The following CLSTN2 variants were observed in gnomAD, a reference collection of about 807,000 sequenced individuals.
The protein encoded by CLSTN2 is calsyntenin 2, also known as calsyntenin-2.
Under a neutral mutation model 101.2 loss-of-function variants are expected in CLSTN2, and 48 were observed. The observed-to-expected ratio is 0.47, with a 90% CI of 0.38 to 0.60. The LOEUF (loss-of-function observed/expected upper bound fraction) is 0.60. Ranked by LOEUF, CLSTN2 falls within the 20% of genes least tolerant of loss-of-function variation. The pLI, the probability that CLSTN2 is intolerant of heterozygous loss-of-function variation, is 0.00. For missense variants in CLSTN2, 1,160 were observed against 1,238.2 expected, an observed-to-expected ratio of 0.94 and a Z score of 0.95; for synonymous variants, 481 against 463.6, an observed-to-expected ratio of 1.04 and a Z score of -0.48.
At chr3:140,411,580 C>A (rs1466481299) in intron 4 of CLSTN2, among the ~76,000 whole-genome samples, 1 of 152,198 alleles carries the variant, frequency 6.6e-6, no homozygotes, top group Non-Finnish European at 1.5e-5. Context: ...ACATAGCAGA[C>A]ATATGCAGAA....
chr3:139,990,665 TG>T (rs1428243086), intron 1 of CLSTN2, among the ~76,000 whole-genome samples: 1 of 152,192 alleles, frequency 6.6e-6, no homozygotes, highest in Non-Finnish European at 1.5e-5. Flanking sequence ...AGACCCCACC[TG>T]GGGGGTGAGA....
intron 8 of CLSTN2, among the ~76,000 whole-genome samples, chr3:140,494,192 A>G (rs1934404592): frequency 1.3e-5 from 2 of 152,218 alleles, no homozygotes; most frequent in Admixed American, 1.3e-4. Context: ...CTGTCATCAT[A>G]CATTCAGGGT....
At chr3:140,520,980 T>C (rs1357727802) in intron 8 of CLSTN2, among the ~76,000 whole-genome samples, 1 of 152,184 alleles carries the variant, frequency 6.6e-6, no homozygotes, top group African/African-American at 2.4e-5. Flanking sequence ...GAATGTCTCA[T>C]GTTGTGTTCC....
At chr3:140,563,353 G>T (rs1935956322) in intron 15 of CLSTN2, 150 bp downstream of exon 15, 5 of 804,278 alleles carry the variant, frequency 6.2e-6, no homozygotes, top group South Asian at 5.3e-5. Context: ...CCCTGGCTTT[G>T]AGATACTCAC....
At chr3:140,381,289 C>A (rs996157065) in intron 2 of CLSTN2, among the ~76,000 whole-genome samples, 1 of 152,084 alleles carries the variant, frequency 6.6e-6, no homozygotes, top group African/African-American at 2.4e-5. Flanking sequence ...GGATTAGAGC[C>A]CACCCTAGTG....
At chr3:140,250,294 G>C (rs888938539) in intron 2 of CLSTN2, among the ~76,000 whole-genome samples, 1 of 152,158 alleles carries the variant, frequency 6.6e-6, no homozygotes, top group Non-Finnish European at 1.5e-5. Context: ...GAGTAAACCG[G>C]ATATGGTCCT....
intron 2 of CLSTN2, among the ~76,000 whole-genome samples, chr3:140,276,426 A>G (rs184613437): frequency 0.014 from 2,182 of 152,266 alleles, 23 homozygotes; most frequent in Non-Finnish European, 0.021. Context: ...TCTAGTGTAA[A>G]GAGAAGGAGT....
chr3:140,542,495 G>A (rs1284829883), intron 9 of CLSTN2, among the ~76,000 whole-genome samples: 9 of 152,126 alleles, frequency 5.9e-5, no homozygotes, highest in Admixed American at 2.6e-4. Context: ...GAGGAGTCAC[G>A]TGGCCTATGC....
intron 2 of CLSTN2, among the ~76,000 whole-genome samples, chr3:140,332,200 G>A (rs2087389640): frequency 6.6e-6 from 1 of 152,180 alleles, no homozygotes; most frequent in Non-Finnish European, 1.5e-5. Context: ...AAGAGGGAGG[G>A]GAGGAGATGT....
intron 2 of CLSTN2, among the ~76,000 whole-genome samples, chr3:140,209,321 G>A (rs1266070660): frequency 6.6e-6 from 1 of 152,182 alleles, no homozygotes; most frequent in Non-Finnish European, 1.5e-5. Flanking sequence ...GGGAAGACAA[G>A]GAATGAATGG....
intron 2 of CLSTN2, among the ~76,000 whole-genome samples, chr3:140,203,184 A>G (rs2010739893): frequency 6.6e-6 from 1 of 152,212 alleles, no homozygotes; most frequent in Non-Finnish European, 1.5e-5. Flanking sequence ...TGACAAAGAT[A>G]GGGAGTGATC....
chr3:139,959,577 A>C (rs571752815), intron 1 of CLSTN2, among the ~76,000 whole-genome samples: 1 of 152,112 alleles, frequency 6.6e-6, no homozygotes, highest in East Asian at 1.9e-4. Context: ...CGCTATCCCC[A>C]TTTGTTGAAG....
chr3:140,125,657 A>G (rs753258528), intron 1 of CLSTN2, among the ~76,000 whole-genome samples: 1 of 152,112 alleles, frequency 6.6e-6, no homozygotes, highest in Non-Finnish European at 1.5e-5. Flanking sequence ...GAAATATAAT[A>G]GTGTTGTCTG....
chr3:140,210,031 C>T (rs1382160738), intron 2 of CLSTN2, among the ~76,000 whole-genome samples: 2 of 152,208 alleles, frequency 1.3e-5, no homozygotes, highest in African/African-American at 4.8e-5. Context: ...ACAGAAGCTT[C>T]CCTGTCTCCT....
At chr3:140,028,361 A>G (rs541426756) in intron 1 of CLSTN2, among the ~76,000 whole-genome samples, 1 of 152,242 alleles carries the variant, frequency 6.6e-6, no homozygotes, top group African/African-American at 2.4e-5. Context: ...CCTTTTGCAC[A>G]TGAGAGAAGT....
intron 2 of CLSTN2, among the ~76,000 whole-genome samples, chr3:140,312,614 T>C: frequency 6.6e-6 from 1 of 152,208 alleles, no homozygotes; most frequent in South Asian, 2.1e-4. Context: ...GCTGGACACC[T>C]CTGGGTCTCT....
In CLSTN2 at chr3:140,568,249, G is replaced by A. The variant is rs1160510509; in HGVS notation, c.*1996G>A. The A allele has an allele frequency of 6.6e-6, 1 of 152,182 alleles. No individual in the cohort carries two copies. The highest frequency in any genetic ancestry group is 2.1e-4 in the South Asian group (1 of 4,832). 9.4% of individuals were successfully genotyped at this position (152,182 alleles called of 1,614,324 possible). ...TGTGAGAAAAAGAAAAGCTGAATAA[G>A]ATAAGCTCCTTCCCTACATTATATT... On this transcript the variant is annotated 3_prime_UTR_variant, in exon 17 of 17. Transcript: ENST00000458420.
At chr3:139,957,749 C>T (rs1242685693) in intron 1 of CLSTN2, among the ~76,000 whole-genome samples, 1 of 152,102 alleles carries the variant, frequency 6.6e-6, no homozygotes, top group African/African-American at 2.4e-5. Context: ...GGCCCTAAGT[C>T]AGCAGAGGAC....
At chr3:139,936,883 TTGAC>T (rs1935032196) in intron 1 of CLSTN2, among the ~76,000 whole-genome samples, 1 of 152,228 alleles carries the variant, frequency 6.6e-6, no homozygotes, top group Non-Finnish European at 1.5e-5. Context: ...TGGTGTATCT[TTGAC>T]AGGCAGTTTC....
Sources: gnomAD v4.1 joint callset for allele counts (sites outside exome capture counted in the v4.1 genomes callset) on GRCh38, gnomAD v4.1.1 for gene constraint, MANE v1.5 for transcripts, NCBI Gene and HGNC (gene_info 2026-07-23, HGNC 2026-07-21) for gene names.